The following SUPT3H variants were observed in gnomAD, a reference collection of about 807,000 sequenced individuals.
SUPT3H encodes the protein transcription initiation protein SPT3 homolog.
In SUPT3H, 44 loss-of-function variants were observed where a neutral mutation model predicts 44.3. The ratio of observed to expected loss-of-function variants is 0.99; its 90% CI spans 0.78 to 1.28. The LOEUF (loss-of-function observed/expected upper bound fraction) is 1.28. Ranked by LOEUF, SUPT3H falls within the 50% of genes most tolerant of loss-of-function variation. The pLI, the probability that SUPT3H is intolerant of heterozygous loss-of-function variation, is 0.00. For missense variants in SUPT3H, 380 were observed against 387.1 expected, an observed-to-expected ratio of 0.98 and a Z score of 0.15; for synonymous variants, 124 against 125.6, an observed-to-expected ratio of 0.99 and a Z score of 0.09.
chr6:45,353,648 T>C (rs943132070), intron 2 of SUPT3H, among the ~76,000 whole-genome samples: 5 of 151,930 alleles, frequency 3.3e-5, no homozygotes, highest in Non-Finnish European at 5.9e-5. Context: ...TATTAAACCA[T>C]AGAAACTAAA....
At chr6:45,255,368 G>T (rs528817748) in intron 2 of SUPT3H, among the ~76,000 whole-genome samples, 6 of 145,888 alleles carry the variant, frequency 4.1e-5, no homozygotes, top group African/African-American at 1.5e-4. Flanking sequence ...ATTATTCAAA[G>T]AACTTTATGT....
intron 2 of SUPT3H, among the ~76,000 whole-genome samples, chr6:45,244,085 T>A (rs1224086451): frequency 1.3e-5 from 2 of 152,162 alleles, no homozygotes; most frequent in East Asian, 3.9e-4. Flanking sequence ...GGTCTCACTA[T>A]GTTGCCCAGG....
At chr6:45,302,940 G>T (rs191987123) in intron 2 of SUPT3H, among the ~76,000 whole-genome samples, 1 of 152,156 alleles carries the variant, frequency 6.6e-6, no homozygotes, top group African/African-American at 2.4e-5. Flanking sequence ...AGGACCAATG[G>T]AACAGAAGAG....
chr6:44,940,681 G>T (rs1364488842), intron 9 of SUPT3H, among the ~76,000 whole-genome samples: 1 of 152,026 alleles, frequency 6.6e-6, no homozygotes, highest in Non-Finnish European at 1.5e-5. Context: ...TTTAGGTCTA[G>T]TAATAAGTCT....
intron 3 of SUPT3H, among the ~76,000 whole-genome samples, chr6:45,029,831 C>T (rs1319191431): frequency 6.6e-6 from 1 of 152,176 alleles, no homozygotes; most frequent in East Asian, 1.9e-4. Context: ...GTGGCACTAC[C>T]TTGGCTCACT....
chr6:45,295,830 A>G (rs1378713318), intron 2 of SUPT3H, among the ~76,000 whole-genome samples: 5 of 152,154 alleles, frequency 3.3e-5, no homozygotes, highest in Non-Finnish European at 2.9e-5. Context: ...AAACTGGGTA[A>G]ATGTTGGCAT....
chr6:45,311,086 C>A (rs1390260968), intron 2 of SUPT3H, among the ~76,000 whole-genome samples: 10 of 152,088 alleles, frequency 6.6e-5, no homozygotes, highest in Admixed American at 6.5e-4. Context: ...AAAGAAAATA[C>A]AATCAAAAAT....
At chr6:45,121,522 G>GC (rs1277164847) in intron 2 of SUPT3H, among the ~76,000 whole-genome samples, 2 of 151,846 alleles carry the variant, frequency 1.3e-5, no homozygotes, top group Non-Finnish European at 2.9e-5. Flanking sequence ...ATTATGTGGG[G>GC]GGGGGGGTGG....
In SUPT3H at chr6:44,867,506, C is replaced by T. The variant is rs968919080; in HGVS notation, c.913-37649G>A. On this transcript the variant is annotated intron_variant, in intron 10 of 10. Transcript: ENST00000371459. ...TTCTACTATAGATATGATTGATTCG[C>T]TAACATCTAAAAAAGATTCAGCTAG... 3.3e-5 allele frequency among the ~76,000 whole-genome samples: 5 copies of T among 152,134 alleles called. No homozygotes were observed. The South Asian group carries it at 6.2e-4, about 19-fold the overall frequency.
intron 4 of SUPT3H, among the ~76,000 whole-genome samples, chr6:45,015,795 GCGCA>G (rs1554206806): frequency 0.12 from 18,223 of 149,578 alleles, 1,430 homozygotes; most frequent in East Asian, 0.27. Flanking sequence ...ACACACGCGC[GCGCA>G]CACACACACA....
intron 2 of SUPT3H, among the ~76,000 whole-genome samples, chr6:45,294,822 A>C (rs1562896535): frequency 6.6e-6 from 1 of 151,172 alleles, no homozygotes; most frequent in Non-Finnish European, 1.5e-5. Context: ...AAACTACAAA[A>C]CACTGCTGAA....
chr6:45,113,062 GT>G (rs1800311124), intron 2 of SUPT3H, among the ~76,000 whole-genome samples: 2 of 150,690 alleles, frequency 1.3e-5, no homozygotes, highest in South Asian at 4.2e-4. Flanking sequence ...CTATTGCTTG[GT>G]TTAAGAAGGC....
intron 10 of SUPT3H, among the ~76,000 whole-genome samples, chr6:44,835,957 G>A (rs372169017): frequency 8.5e-5 from 13 of 152,244 alleles, no homozygotes; most frequent in African/African-American, 3.1e-4. Context: ...GAAGATGACC[G>A]TGCTCTGAAA....
At chr6:44,948,782 C>T (rs1315474452) in intron 9 of SUPT3H, among the ~76,000 whole-genome samples, 1 of 152,046 alleles carries the variant, frequency 6.6e-6, no homozygotes, top group Non-Finnish European at 1.5e-5. Flanking sequence ...AACACTTTTA[C>T]ACTGCTGGTG....
intron 9 of SUPT3H, among the ~76,000 whole-genome samples, chr6:44,934,198 T>A (rs1771049913): frequency 6.6e-6 from 1 of 152,190 alleles, no homozygotes. Flanking sequence ...GATAGCAACC[T>A]CTATGGATAG....
chr6:45,031,001 T>C (rs1786834583), intron 3 of SUPT3H, among the ~76,000 whole-genome samples: 1 of 152,156 alleles, frequency 6.6e-6, no homozygotes, highest in Non-Finnish European at 1.5e-5. Flanking sequence ...AATACAGTAG[T>C]CGAAGCTTTA....
chr6:45,085,290 C>T (rs1796352219), intron 3 of SUPT3H, among the ~76,000 whole-genome samples: 1 of 152,148 alleles, frequency 6.6e-6, no homozygotes, highest in Non-Finnish European at 1.5e-5. Context: ...CATCTCTATG[C>T]ACCCAGAAAC....
At chr6:45,275,146 G>GT (rs1048860177) in intron 2 of SUPT3H, among the ~76,000 whole-genome samples, 3 of 151,914 alleles carry the variant, frequency 2.0e-5, no homozygotes, top group African/African-American at 7.3e-5. Flanking sequence ...TGCAATTACT[G>GT]TTTTTTATAT....
intron 2 of SUPT3H, among the ~76,000 whole-genome samples, chr6:45,230,024 T>C (rs558178242): frequency 6.6e-6 from 1 of 152,294 alleles, no homozygotes; most frequent in African/African-American, 2.4e-5. Context: ...TATTCTTCTA[T>C]TCTCCATGTC....
Sources: gnomAD v4.1 joint callset for allele counts (sites outside exome capture counted in the v4.1 genomes callset) on GRCh38, gnomAD v4.1.1 for gene constraint, MANE v1.5 for transcripts, NCBI Gene and HGNC (gene_info 2026-07-23, HGNC 2026-07-21) for gene names.